Variants in CNTN4 observed in about 807,000 individuals in gnomAD.
CNTN4 encodes the protein contactin 4.
In CNTN4, 77 loss-of-function variants were observed where a neutral mutation model predicts 122.5. The ratio of observed to expected loss-of-function variants is 0.63; its 90% CI spans 0.52 to 0.76. The LOEUF is 0.76. CNTN4 is among the 30% of genes least tolerant of loss of function. The probability of loss-of-function intolerance (pLI) is 0.00; values close to 1 mark genes in which losing one functional copy is unlikely to be tolerated. For missense variants in CNTN4, 1,256 were observed against 1,259.1 expected, an observed-to-expected ratio of 1.00 and a Z score of 0.04; for synonymous variants, 512 against 447.0, an observed-to-expected ratio of 1.15 and a Z score of -1.83.
intron 3 of CNTN4, among the ~76,000 whole-genome samples, chr3:2,346,735 TTTTC>T (rs2044410140): frequency 6.6e-6 from 1 of 152,176 alleles, no homozygotes; most frequent in Non-Finnish European, 1.5e-5. Flanking sequence ...TGATCTGTCT[TTTTC>T]TTTCCTGCTC....
chr3:2,141,102 A>T (rs1057513755), intron 2 of CNTN4, among the ~76,000 whole-genome samples: 1 of 152,178 alleles, frequency 6.6e-6, no homozygotes, highest in African/African-American at 2.4e-5. Context: ...CAAAATGAAG[A>T]GCACCTTAGC....
At chr3:2,222,517 C>T (rs1720213) in intron 2 of CNTN4, among the ~76,000 whole-genome samples, 11,326 of 151,814 alleles carry the variant, frequency 0.075, 471 homozygotes, top group African/African-American at 0.1. Flanking sequence ...ACCATTGAAT[C>T]ATATACTTTA....
Position 2,751,495 on chromosome 3 carries a change from T to C in CNTN4, c.358+5798T>C, listed in dbSNP as rs572260082. On this transcript the variant is annotated intron_variant, in intron 6 of 24. Transcript: ENST00000418658. Reference sequence around the variant, plus strand: ...TCCCCAACCTTCATTCACTCTACACTCCCTTTCGTCCAGGAGCAAAACCAA... The same window carrying C: ...TCCCCAACCTTCATTCACTCTACACCCCCTTTCGTCCAGGAGCAAAACCAA... 3.6e-4 allele frequency among the ~76,000 whole-genome samples: 55 copies of C among 152,190 alleles called. No homozygotes were observed. In the East Asian group the frequency reaches 0.011, roughly 30 times the overall value.
At chr3:2,589,120 T>A (rs1661714395) in intron 4 of CNTN4, among the ~76,000 whole-genome samples, 1 of 152,186 alleles carries the variant, frequency 6.6e-6, no homozygotes. Context: ...AGGGGCCAGA[T>A]TAACCCCTGA....
intron 13 of CNTN4, among the ~76,000 whole-genome samples, chr3:2,955,352 G>C (rs981962925): frequency 6.6e-6 from 1 of 152,140 alleles, no homozygotes; most frequent in African/African-American, 2.4e-5. Context: ...TCAGTCACGT[G>C]GTGTTTATTA....
Position 2,866,778 on chromosome 3 carries a change from G to GA in CNTN4, c.483dup (p.Tyr162IlefsTer7). The GA allele has an allele frequency of 6.2e-7, 1 of 1,613,920 alleles. No individual in the cohort carries two copies. Among genetic ancestry groups the GA allele is most frequent in the Non-Finnish European group, 8.5e-7 (1 of 1,179,870 alleles). ...GCTGAGTTATGCCTGGATCTTCAAT[G>GA]AATACCCTTCCTATCAGGATAATCG... On this transcript the variant is annotated frameshift_variant, in exon 8 of 25. Coordinates refer to ENST00000418658, the MANE Select transcript of CNTN4 (RefSeq NM_175607.3). LOFTEE classifies it high-confidence loss of function.
intron 3 of CNTN4, among the ~76,000 whole-genome samples, chr3:2,508,119 A>G (rs554101697): frequency 6.6e-6 from 1 of 152,320 alleles, no homozygotes; most frequent in East Asian, 1.9e-4. Context: ...GAAAATTAAT[A>G]TGGCCACATA....
At chr3:2,986,985 A>G (rs1694640024) in intron 13 of CNTN4, among the ~76,000 whole-genome samples, 1 of 152,236 alleles carries the variant, frequency 6.6e-6, no homozygotes, top group African/African-American at 2.4e-5. Context: ...TGGCTGCAGG[A>G]AAACAGGGAG....
chr3:2,345,956 G>C (rs1470291504), intron 3 of CNTN4, among the ~76,000 whole-genome samples: 2 of 152,070 alleles, frequency 1.3e-5, no homozygotes, highest in African/African-American at 4.8e-5. Context: ...TTTCTAATTT[G>C]TTTTCAACCT....
Position 2,125,610 on chromosome 3 carries a change from G to T in CNTN4, c.-145+24971G>T, listed in dbSNP as rs539090146. Among the ~76,000 whole-genome samples, 9 of 147,010 alleles carry T rather than the reference G, an allele frequency of 6.1e-5. No individual in the cohort carries two copies. The South Asian group carries it at 1.9e-3, about 32-fold the overall frequency. ...GTCTCACACTGGCACCCAGGCTGGA[G>T]TTCAGTGGCACCATCTTGGATCACT... On this transcript the variant is annotated intron_variant, in intron 2 of 24. Coordinates refer to ENST00000418658, the MANE Select transcript of CNTN4 (RefSeq NM_175607.3).
chr3:3,023,573 T>G lies in CNTN4; in HGVS notation c.1487-2529T>G, dbSNP rs368900066. Among the ~76,000 whole-genome samples, 14 of 152,278 alleles carry G rather than the reference T, an allele frequency of 9.2e-5. No homozygotes were observed. In the East Asian group the frequency reaches 1.7e-3, roughly 19 times the overall value. ...CAACTCCTTGCTGCTAGCCCAAAAG[T>G]TGTCAGGAGATAGGAAGACAAGACA... On this transcript the variant is annotated intron_variant, in intron 14 of 24. Coordinates refer to ENST00000418658, the MANE Select transcript of CNTN4 (RefSeq NM_175607.3).
intron 3 of CNTN4, among the ~76,000 whole-genome samples, chr3:2,477,786 T>C (rs2075873683): frequency 6.6e-6 from 1 of 152,214 alleles, no homozygotes; most frequent in South Asian, 2.1e-4. Context: ...TTTCCATCAC[T>C]GAGTTCTAAA....
chr3:2,921,270 C>T (rs954150275), intron 12 of CNTN4, among the ~76,000 whole-genome samples: 7 of 152,170 alleles, frequency 4.6e-5, no homozygotes, highest in Non-Finnish European at 5.9e-5. Context: ...CTCCTGGTTT[C>T]GAGTGATCCT....
At chr3:2,952,838 C>T (rs767604476) in intron 13 of CNTN4, among the ~76,000 whole-genome samples, 5 of 152,188 alleles carry the variant, frequency 3.3e-5, no homozygotes, top group Non-Finnish European at 7.3e-5. Flanking sequence ...TACCAAGCAG[C>T]TGTATTTTGG....
intron 3 of CNTN4, among the ~76,000 whole-genome samples, chr3:2,353,041 A>G (rs2044703369): frequency 6.6e-6 from 1 of 151,834 alleles, no homozygotes; most frequent in Non-Finnish European, 1.5e-5. Flanking sequence ...AAGGTTTGTA[A>G]ACGTGCCAAT....
At chr3:2,478,726 C>T (rs1311390057) in intron 3 of CNTN4, among the ~76,000 whole-genome samples, 1 of 152,134 alleles carries the variant, frequency 6.6e-6, no homozygotes, top group Admixed American at 6.6e-5. Context: ...GGATAATGGT[C>T]TCCAGCTCCA....
At position 2,326,485 on chromosome 3, in the gene CNTN4, T is replaced by TACACAC. The variant is rs10557917; in HGVS notation, c.-144-12655_-144-12650dup. Reference sequence around the variant, plus strand: ...GTGAGCCAATTCCTTCTAATAAATTTACACACACACACACACACACACACA... The same window carrying TACACAC: ...GTGAGCCAATTCCTTCTAATAAATTTACACACACACACACACACACACACACACACA... On this transcript the variant is annotated intron_variant, in intron 2 of 24. Coordinates refer to ENST00000418658, the MANE Select transcript of CNTN4 (RefSeq NM_175607.3). Among the ~76,000 whole-genome samples, 1,099 of 126,060 alleles carry TACACAC rather than the reference T, an allele frequency of 8.7e-3. 10 individuals carry two copies. Among genetic ancestry groups the TACACAC allele is most frequent in the African/African-American group, 0.021 (760 of 36,848 alleles). 82.7% of individuals were successfully genotyped at this position (126,060 alleles called of 152,430 possible).
chr3:2,706,300 C>T (rs1173092021), intron 4 of CNTN4, among the ~76,000 whole-genome samples: 1 of 151,896 alleles, frequency 6.6e-6, no homozygotes, highest in East Asian at 1.9e-4. Flanking sequence ...GCCTGGTTTC[C>T]ATCCACTCAG....
At chr3:2,611,460 C>G (rs1422272927) in intron 4 of CNTN4, among the ~76,000 whole-genome samples, 1 of 152,092 alleles carries the variant, frequency 6.6e-6, no homozygotes, top group Admixed American at 6.6e-5. Flanking sequence ...CTTCCTCAGC[C>G]TAAGCTGCAG....
Sources: allele counts gnomAD v4.1 joint callset (sites outside exome capture counted in the v4.1 genomes callset), GRCh38; gene constraint gnomAD v4.1.1; transcripts MANE v1.5; gene names NCBI Gene and HGNC (gene_info 2026-07-23, HGNC 2026-07-21).